The following PTPRN2 variants were observed in gnomAD, a reference collection of about 807,000 sequenced individuals.
PTPRN2 encodes the protein receptor-type tyrosine-protein phosphatase N2.
Under a neutral mutation model 118.8 loss-of-function variants are expected in PTPRN2, and 74 were observed. That is an observed-to-expected ratio of 0.62 (90% confidence interval 0.52 to 0.76). The LOEUF (loss-of-function observed/expected upper bound fraction) is 0.76. PTPRN2 is among the 30% of genes least tolerant of loss of function. The probability of loss-of-function intolerance (pLI) is 0.00; values close to 1 mark genes in which losing one functional copy is unlikely to be tolerated. For missense variants in PTPRN2, 1,481 were observed against 1,394.4 expected, an observed-to-expected ratio of 1.06 and a Z score of -0.99; for synonymous variants, 641 against 608.0, an observed-to-expected ratio of 1.05 and a Z score of -0.80.
rs113257028 is a variant in PTPRN2 at position 157,701,944 on chromosome 7, C to T, written c.1789-19007G>A. Among the ~76,000 whole-genome samples the T allele has an allele frequency of 4.2e-3, 365 of 87,254 alleles. 1 individual carries two copies. The highest frequency in any genetic ancestry group is 0.011 in the Middle Eastern group (1 of 88). The allele number at this position is 87,254 out of a possible 152,430, so 57.2% of individuals were successfully genotyped here. A position where few individuals can be genotyped will look rare whatever the true frequency, so the allele number is the denominator to read the frequency against. On this transcript the variant is annotated intron_variant, in intron 12 of 22. Transcript: ENST00000389418. ...CGGGCTGTGCATTTATAAGAAAGCC[C>T]GGTCGGTGCTGGTGTAACTGACGCG...
intron 12 of PTPRN2, among the ~76,000 whole-genome samples, chr7:157,887,876 A>AG: frequency 8.3e-6 from 1 of 120,800 alleles, no homozygotes; most frequent in Non-Finnish European, 1.8e-5. Context: ...TGCTCCCCCC[A>AG]GTACCTGCTC....
intron 3 of PTPRN2, among the ~76,000 whole-genome samples, chr7:158,278,651 C>T (rs1247042849): frequency 2.0e-5 from 3 of 152,082 alleles, no homozygotes; most frequent in Non-Finnish European, 2.9e-5. Context: ...AGAATGAAGC[C>T]GCGGACCCTC....
intron 2 of PTPRN2, among the ~76,000 whole-genome samples, chr7:158,408,418 T>G (rs1462212987): frequency 6.6e-6 from 1 of 152,214 alleles, no homozygotes; most frequent in Non-Finnish European, 1.5e-5. Context: ...AATAGACTTT[T>G]AAGAGAAGAA....
At chr7:158,061,456 C>T (rs1034409760) in intron 11 of PTPRN2, among the ~76,000 whole-genome samples, 4 of 152,190 alleles carry the variant, frequency 2.6e-5, no homozygotes, top group South Asian at 2.1e-4. Context: ...CACAAGCGCT[C>T]GGCAGAGAAA....
At chr7:157,680,333 A>G (rs1796859948) in intron 13 of PTPRN2, among the ~76,000 whole-genome samples, 1 of 152,180 alleles carries the variant, frequency 6.6e-6, no homozygotes, top group East Asian at 1.9e-4. Context: ...TTAATGCGAG[A>G]AGACACCTTT....
At chr7:157,722,244 C>T (rs1178959929) in intron 12 of PTPRN2, among the ~76,000 whole-genome samples, 2 of 152,246 alleles carry the variant, frequency 1.3e-5, no homozygotes. Context: ...CCATGTGCCT[C>T]ATATGCTGCC....
intron 5 of PTPRN2, among the ~76,000 whole-genome samples, chr7:158,175,162 T>C (rs900360441): frequency 3.3e-5 from 5 of 152,210 alleles, no homozygotes; most frequent in African/African-American, 1.2e-4. Context: ...GGGACATCTT[T>C]TGACCACATA....
At chr7:157,649,662 C>T (rs1287176442) in intron 14 of PTPRN2, among the ~76,000 whole-genome samples, 1 of 111,710 alleles carries the variant, frequency 9.0e-6, no homozygotes. Flanking sequence ...TCGGACCCAT[C>T]CAGCGTGCAC....
chr7:158,331,677 C>T (rs1237933012), intron 2 of PTPRN2, among the ~76,000 whole-genome samples: 3 of 149,858 alleles, frequency 2.0e-5, no homozygotes, highest in South Asian at 2.1e-4. Flanking sequence ...ACACTCTCAC[C>T]ATAAGAGGTG....
chr7:157,889,497 G>A (rs532265367), intron 12 of PTPRN2, among the ~76,000 whole-genome samples: 1 of 152,302 alleles, frequency 6.6e-6, no homozygotes, highest in South Asian at 2.1e-4. Flanking sequence ...CTAGTCTGTG[G>A]AGGCTGCACA....
intron 1 of PTPRN2, among the ~76,000 whole-genome samples, chr7:158,527,472 C>T (rs953844423): frequency 1.3e-5 from 2 of 152,254 alleles, no homozygotes; most frequent in African/African-American, 2.4e-5. Flanking sequence ...TGCTTCAGTG[C>T]CATGGAGGCC....
Position 158,183,934 on chromosome 7 carries a change from G to A in PTPRN2, c.549+8393C>T, listed in dbSNP as rs148256402. Reference sequence around the variant, plus strand: ...CAAGTGGGAGAGGCATGCTAACACCGCTTCTAATCCACTGTCTTGAAAAAA... The same window carrying A: ...CAAGTGGGAGAGGCATGCTAACACCACTTCTAATCCACTGTCTTGAAAAAA... On this transcript the variant is annotated intron_variant, in intron 5 of 22. Coordinates refer to ENST00000389418, the MANE Select transcript of PTPRN2 (RefSeq NM_002847.5). Among the ~76,000 whole-genome samples the A allele has an allele frequency of 6.0e-3, 905 of 151,934 alleles. 4 individuals carry two copies. The highest frequency in any genetic ancestry group is 0.021 in the African/African-American group (850 of 41,460).
chr7:158,337,709 A>C (rs1324083090), intron 2 of PTPRN2, among the ~76,000 whole-genome samples: 1 of 150,742 alleles, frequency 6.6e-6, no homozygotes, highest in South Asian at 2.1e-4. Context: ...TCACCATAAG[A>C]GCTGACGCCC....
intron 3 of PTPRN2, among the ~76,000 whole-genome samples, chr7:158,264,931 T>C (rs1365026536): frequency 6.6e-6 from 1 of 152,098 alleles, no homozygotes; most frequent in African/African-American, 2.4e-5. Flanking sequence ...TTTCTGCCTT[T>C]ACACGAAGAG....
chr7:157,661,582 C>G (rs1795892565), intron 13 of PTPRN2, among the ~76,000 whole-genome samples: 1 of 151,888 alleles, frequency 6.6e-6, no homozygotes, highest in African/African-American at 2.4e-5. Flanking sequence ...CCGGGAATGG[C>G]CTGCAGGGAG....
intron 2 of PTPRN2, among the ~76,000 whole-genome samples, chr7:158,425,602 G>T (rs1815672662): frequency 7.7e-6 from 1 of 129,110 alleles, no homozygotes; most frequent in African/African-American, 3.3e-5. Context: ...GCGCACCGCC[G>T]GGAAAGACCC....
chr7:157,957,713 C>T (rs564703828), intron 11 of PTPRN2, among the ~76,000 whole-genome samples: 12 of 151,966 alleles, frequency 7.9e-5, no homozygotes, highest in Non-Finnish European at 1.8e-4. Flanking sequence ...ACTAGAAAAC[C>T]GACCCCACCA....
chr7:158,584,207 AG>A lies in PTPRN2; in HGVS notation c.112+3350del, dbSNP rs550854888. On this transcript the variant is annotated intron_variant, in intron 1 of 22. Coordinates refer to ENST00000389418, the MANE Select transcript of PTPRN2 (RefSeq NM_002847.5). Reference sequence around the variant, plus strand: ...TGGCAAGTGAAAGTTGTGCTTCTTTAGCAAAAGGAAGGGGGGGCCTTTATAA... The same window carrying A: ...TGGCAAGTGAAAGTTGTGCTTCTTTACAAAAGGAAGGGGGGGCCTTTATAA... Among the ~76,000 whole-genome samples, 262 of 152,308 alleles carry A rather than the reference AG, an allele frequency of 1.7e-3. 1 individual carries two copies. The highest frequency in any genetic ancestry group is 5.7e-3 in the African/African-American group (236 of 41,574).
chr7:158,286,378 G>A (rs1012663182), intron 3 of PTPRN2, among the ~76,000 whole-genome samples: 1 of 152,144 alleles, frequency 6.6e-6, no homozygotes, highest in Non-Finnish European at 1.5e-5. Flanking sequence ...GCTAGGTTTT[G>A]CAATACAGTG....
Sources: allele counts gnomAD v4.1 joint callset (sites outside exome capture counted in the v4.1 genomes callset), GRCh38; gene constraint gnomAD v4.1.1; transcripts MANE v1.5; gene names NCBI Gene and HGNC (gene_info 2026-07-23, HGNC 2026-07-21).